Variants in XYLT1 observed in about 807,000 individuals in gnomAD.
XYLT1 encodes xylosyltransferase 1, also known as beta-D-xylosyltransferase 1.
A neutral mutation model predicts 91.3 loss-of-function variants in XYLT1; 36 were observed. The observed-to-expected ratio is 0.39, with a 90% CI of 0.30 to 0.52. The LOEUF (loss-of-function observed/expected upper bound fraction) is 0.52, where lower values mean the gene tolerates loss of function less well. Among genes scored for constraint, XYLT1 ranks in the 20% least tolerant of loss-of-function variants. The pLI, the probability that XYLT1 is intolerant of heterozygous loss-of-function variation, is 0.68. For missense variants in XYLT1, 1,242 were observed against 1,284.5 expected, an observed-to-expected ratio of 0.97 and a Z score of 0.51; for synonymous variants, 588 against 532.0, an observed-to-expected ratio of 1.11 and a Z score of -1.45.
At chr16:17,130,514 C>T (rs1041999321) in intron 9 of XYLT1, among the ~76,000 whole-genome samples, 2 of 152,228 alleles carry the variant, frequency 1.3e-5, no homozygotes, top group Non-Finnish European at 2.9e-5. Context: ...TCTCTGTCAC[C>T]CAGGCTAGAG....
intron 2 of XYLT1, among the ~76,000 whole-genome samples, chr16:17,274,055 G>T (rs951680738): frequency 6.6e-6 from 1 of 151,666 alleles, no homozygotes; most frequent in African/African-American, 2.4e-5. Context: ...GGAATTACAG[G>T]TGCACGTCAC....
At chr16:17,141,030 T>C (rs1320237775) in intron 7 of XYLT1, 123 bp downstream of exon 7, 1 of 920,656 alleles carries the variant, frequency 1.1e-6, no homozygotes, top group South Asian at 1.6e-5. Context: ...CAAGGATGTC[T>C]GGGTGTGTAG....
At chr16:17,393,408 G>A (rs1301067024) in intron 1 of XYLT1, among the ~76,000 whole-genome samples, 2 of 151,970 alleles carry the variant, frequency 1.3e-5, no homozygotes, top group Admixed American at 6.6e-5. Context: ...TCATCCAAAC[G>A]GTGTACATTA....
Position 17,138,577 on chromosome 16 carries a change from C to G in XYLT1, c.1588-46G>C, listed in dbSNP as rs761035140. 1.1e-5 allele frequency: 17 copies of G among 1,594,758 alleles called. No individual in the cohort carries two copies. The Admixed American group carries it at 2.8e-4, about 27-fold the overall frequency. The stretch of plus-strand genomic sequence containing the variant: ...CAGCCTGAGACCTCTCCCAGCCTCC[C>G]ACAGATGAACTGGGGTGGGAAATGG... On this transcript the variant is annotated intron_variant, in intron 7 of 11. Transcript: ENST00000261381.
At chr16:17,409,425 T>C (rs1285056219) in intron 1 of XYLT1, among the ~76,000 whole-genome samples, 4 of 152,172 alleles carry the variant, frequency 2.6e-5, no homozygotes, top group Non-Finnish European at 4.4e-5. Flanking sequence ...TGCATAATAT[T>C]GATCTTGAAC....
intron 2 of XYLT1, chr16:17,338,200 C>G (rs1196736483): frequency 2.2e-6 from 1 of 456,352 alleles, no homozygotes; most frequent in East Asian, 6.9e-5. Context: ...CCTCTAGGCT[C>G]ACTTCTGCAA....
At chr16:17,248,711 C>T (rs1189572984) in intron 3 of XYLT1, among the ~76,000 whole-genome samples, 2 of 151,578 alleles carry the variant, frequency 1.3e-5, no homozygotes, top group Non-Finnish European at 2.9e-5. Flanking sequence ...AACTATGCAA[C>T]TCCCCAGAAT....
At chr16:17,436,146 C>T (rs542247779) in intron 1 of XYLT1, among the ~76,000 whole-genome samples, 2 of 152,310 alleles carry the variant, frequency 1.3e-5, no homozygotes, top group Admixed American at 6.5e-5. Flanking sequence ...CTTTGCTCCT[C>T]GTTCGCCTTC....
chr16:17,382,044 C>T (rs2035688402), intron 1 of XYLT1, among the ~76,000 whole-genome samples: 1 of 151,972 alleles, frequency 6.6e-6, no homozygotes. Flanking sequence ...AGGGATGATT[C>T]CAGAGTCCAT....
intron 1 of XYLT1, among the ~76,000 whole-genome samples, chr16:17,448,052 G>A (rs1243685224): frequency 6.6e-6 from 1 of 152,180 alleles, no homozygotes; most frequent in Non-Finnish European, 1.5e-5. Flanking sequence ...ATTTCAGAAA[G>A]GCTATTTACT....
intron 1 of XYLT1, among the ~76,000 whole-genome samples, chr16:17,399,917 C>T (rs1009615526): frequency 2.0e-5 from 3 of 152,182 alleles, no homozygotes; most frequent in African/African-American, 7.2e-5. Context: ...GTACACACTG[C>T]CAGAGATAAA....
At chr16:17,201,713 T>C (rs180950767) in intron 3 of XYLT1, among the ~76,000 whole-genome samples, 45 of 152,238 alleles carry the variant, frequency 3.0e-4, no homozygotes, top group South Asian at 8.3e-4. Context: ...TGACCTCAGG[T>C]GATCTGCCTA....
At chr16:17,193,053 T>A (rs1331013293) in intron 5 of XYLT1, 1 of 152,180 alleles carries the variant, frequency 6.6e-6, no homozygotes, top group Non-Finnish European at 1.5e-5. Context: ...CCTCAAGTGA[T>A]CCACCTGCCT....
chr16:17,346,947 G>A (rs73523069), intron 2 of XYLT1, among the ~76,000 whole-genome samples: 6 of 152,150 alleles, frequency 3.9e-5, no homozygotes, highest in East Asian at 1.9e-4. Context: ...AAATGAGAAC[G>A]GGGTTATTAT....
At chr16:17,406,059 C>A (rs1427950085) in intron 1 of XYLT1, among the ~76,000 whole-genome samples, 1 of 152,076 alleles carries the variant, frequency 6.6e-6, no homozygotes, top group Non-Finnish European at 1.5e-5. Context: ...GTGGTGCATG[C>A]CTGTAATCCC....
intron 3 of XYLT1, among the ~76,000 whole-genome samples, chr16:17,233,500 C>T (rs76758910): frequency 6.6e-6 from 1 of 152,248 alleles, no homozygotes; most frequent in African/African-American, 2.4e-5. Flanking sequence ...TCTGCGCATA[C>T]TAAGCGGCCT....
chr16:17,338,536 T>G, intron 2 of XYLT1: 1 of 456,098 alleles, frequency 2.2e-6, no homozygotes, highest in Non-Finnish European at 4.4e-6. Flanking sequence ...TGTGATTTTC[T>G]GACAAGGCTC....
chr16:17,470,376 G>A, intron 1 of XYLT1, 58 bp downstream of exon 1: 2 of 1,213,134 alleles, frequency 1.6e-6, no homozygotes, highest in Non-Finnish European at 2.1e-6. Flanking sequence ...GGGGGCGTGG[G>A]GTCGGGCTGC....
rs147259895 is a variant in XYLT1 at position 17,466,440 on chromosome 16, C to A, written c.363+3994G>T. On this transcript the variant is annotated intron_variant, in intron 1 of 11. Transcript: ENST00000261381. Reference sequence around the variant, plus strand: ...GATATCTTTGCTTTCTGAGGATACACACACACATACACAATGACGCGATGA... The same window carrying A: ...GATATCTTTGCTTTCTGAGGATACAAACACACATACACAATGACGCGATGA... Among the ~76,000 whole-genome samples, 221 of 152,290 alleles carry A rather than the reference C, an allele frequency of 1.5e-3. 1 individual carries two copies. Among genetic ancestry groups the A allele is most frequent in the African/African-American group, 5.1e-3 (214 of 41,554 alleles).
Sources: allele counts gnomAD v4.1 joint callset (sites outside exome capture counted in the v4.1 genomes callset), GRCh38; gene constraint gnomAD v4.1.1; transcripts MANE v1.5; gene names NCBI Gene and HGNC (gene_info 2026-07-23, HGNC 2026-07-21).